Variants in FTO observed in about 807,000 individuals in gnomAD.
FTO encodes the protein alpha-ketoglutarate-dependent dioxygenase FTO.
FTO carries 47 observed loss-of-function variants against 63.9 expected under a neutral mutation model. That is an observed-to-expected ratio of 0.74 (90% CI 0.58 to 0.94). The LOEUF is 0.94. FTO is among the 40% of genes least tolerant of loss of function. The pLI is 0.00. For missense variants in FTO, 562 were observed against 618.1 expected (o/e 0.91, Z 0.96); for synonymous variants, 207 against 224.4 (o/e 0.92, Z 0.69).
At position 54,117,140 on chromosome 16, in the gene FTO, G is replaced by C. The variant is rs1389391045; in HGVS notation, c.*5225G>C. 4 of 152,178 alleles carry C rather than the reference G, an allele frequency of 2.6e-5. No individual in the cohort carries two copies. The highest frequency in any genetic ancestry group is 5.9e-5 in the Non-Finnish European group (4 of 68,040). The allele number at this position is 152,178 out of a possible 1,614,324, so 9.4% of individuals were successfully genotyped here. Reference sequence around the variant, plus strand: ...TTCTGAGTTTAAGTTCTGATTCTGTGTGTGATTCTCACTCTACCACCTCTT... The same window carrying C: ...TTCTGAGTTTAAGTTCTGATTCTGTCTGTGATTCTCACTCTACCACCTCTT... On this transcript the variant is annotated 3_prime_UTR_variant, in exon 9 of 9. Transcript: ENST00000471389.
intron 8 of FTO, among the ~76,000 whole-genome samples, chr16:53,953,962 A>G (rs1255155985): frequency 6.6e-6 from 1 of 152,160 alleles, no homozygotes; most frequent in Non-Finnish European, 1.5e-5. Context: ...TTCGGAAGCT[A>G]CTCCCAATGT....
At chr16:53,895,165 A>G (rs1453980635) in intron 7 of FTO, among the ~76,000 whole-genome samples, 2 of 152,052 alleles carry the variant, frequency 1.3e-5, no homozygotes, top group Admixed American at 6.6e-5. Context: ...ACATCTGGGG[A>G]GAAATTTTAC....
chr16:53,885,876 T>C (rs1202608549), intron 6 of FTO, among the ~76,000 whole-genome samples: 2 of 152,114 alleles, frequency 1.3e-5, no homozygotes, highest in African/African-American at 4.8e-5. Flanking sequence ...GCCATCTAAG[T>C]AGCTGGGAGC....
chr16:53,730,695 T>C (rs2076252880), intron 1 of FTO, among the ~76,000 whole-genome samples: 1 of 152,020 alleles, frequency 6.6e-6, no homozygotes, highest in Non-Finnish European at 1.5e-5. Flanking sequence ...TTGGTTTCGC[T>C]ATTATTGCCC....
At chr16:53,808,703 T>C (rs943560472) in intron 1 of FTO, among the ~76,000 whole-genome samples, 1 of 152,200 alleles carries the variant, frequency 6.6e-6, no homozygotes, top group Admixed American at 6.5e-5. Flanking sequence ...TATAAAGACA[T>C]TGGGCATTGG....
chr16:54,090,369 G>A (rs1411546825), intron 8 of FTO, among the ~76,000 whole-genome samples: 2 of 152,162 alleles, frequency 1.3e-5, no homozygotes, highest in South Asian at 2.1e-4. Flanking sequence ...GGTTACCAGG[G>A]GCTGGGAGAA....
intron 4 of FTO, among the ~76,000 whole-genome samples, chr16:53,865,833 T>A (rs922687887): frequency 4.6e-5 from 7 of 152,242 alleles, no homozygotes; most frequent in African/African-American, 1.7e-4. Context: ...GACAATAATA[T>A]AATCTGTGAA....
At chr16:53,724,005 A>T (rs963311321) in intron 1 of FTO, among the ~76,000 whole-genome samples, 1 of 152,206 alleles carries the variant, frequency 6.6e-6, no homozygotes, top group Non-Finnish European at 1.5e-5. Flanking sequence ...GATGTTTTAG[A>T]TATTAAACTT....
At chr16:54,077,004 T>G (rs2086011199) in intron 8 of FTO, among the ~76,000 whole-genome samples, 1 of 152,176 alleles carries the variant, frequency 6.6e-6, no homozygotes, top group Non-Finnish European at 1.5e-5. Context: ...TATGTGATTA[T>G]TTGACATATG....
intron 8 of FTO, among the ~76,000 whole-genome samples, chr16:54,006,038 A>G (rs1389654438): frequency 6.6e-6 from 1 of 152,246 alleles, no homozygotes; most frequent in Non-Finnish European, 1.5e-5. Context: ...TAAATATCAA[A>G]TAATTTTTAT....
intron 4 of FTO, among the ~76,000 whole-genome samples, chr16:53,855,114 G>A (rs1201629346): frequency 1.3e-5 from 2 of 151,810 alleles, no homozygotes; most frequent in Non-Finnish European, 2.9e-5. Context: ...GCATTGCAGT[G>A]CTACTGATTT....
chr16:53,757,845 A>T (rs149351392), intron 1 of FTO, among the ~76,000 whole-genome samples: 1 of 152,166 alleles, frequency 6.6e-6, no homozygotes. Flanking sequence ...AGAAGAGCTC[A>T]AACAGTTGTG....
At chr16:53,757,470 T>C (rs1326893113) in intron 1 of FTO, among the ~76,000 whole-genome samples, 10 of 151,924 alleles carry the variant, frequency 6.6e-5, no homozygotes, top group Admixed American at 6.6e-4. Context: ...TATATTCATA[T>C]ATGAATACAT....
At position 53,791,487 on chromosome 16, in the gene FTO, T is replaced by G. The variant is rs540415828; in HGVS notation, c.46-18653T>G. ...AATCCAAGTAACTCAGTGGAGAGCC[T>G]GGTCCTTCGTTATTATGTCTCAGAT... is the stretch of plus-strand genomic sequence containing the variant. On this transcript the variant is annotated intron_variant, in intron 1 of 8. Transcript: ENST00000471389. Among the ~76,000 whole-genome samples, 3 of 152,348 alleles carry G rather than the reference T, an allele frequency of 2.0e-5. No homozygotes were observed. The South Asian group carries it at 6.2e-4, about 32-fold the overall frequency.
At chr16:54,049,946 T>G (rs2144324581) in intron 8 of FTO, among the ~76,000 whole-genome samples, 1 of 152,340 alleles carries the variant, frequency 6.6e-6, no homozygotes, top group East Asian at 1.9e-4. Context: ...TGAGAGATAT[T>G]GAGTGATTGT....
intron 7 of FTO, among the ~76,000 whole-genome samples, chr16:53,933,120 G>A (rs1292859389): frequency 2.0e-5 from 3 of 152,150 alleles, no homozygotes; most frequent in African/African-American, 4.8e-5. Context: ...TTAAATATGC[G>A]CTGTCAAATG....
At chr16:53,998,090 T>C (rs1229468572) in intron 8 of FTO, among the ~76,000 whole-genome samples, 1 of 152,186 alleles carries the variant, frequency 6.6e-6, no homozygotes, top group Non-Finnish European at 1.5e-5. Flanking sequence ...AAAGGCTTGA[T>C]GTAGACCGCT....
At chr16:53,918,589 GTAAC>G (rs1357082698) in intron 7 of FTO, among the ~76,000 whole-genome samples, 4 of 152,156 alleles carry the variant, frequency 2.6e-5, no homozygotes, top group African/African-American at 9.7e-5. Context: ...GTAGAGCAGA[GTAAC>G]TATTTTATAA....
At chr16:53,844,765 GTTTTTC>G (rs59542250) in intron 4 of FTO, among the ~76,000 whole-genome samples, 56,110 of 151,788 alleles carry the variant, frequency 0.37, 10,466 homozygotes, top group South Asian at 0.45. Flanking sequence ...ATTAAAAGTT[GTTTTTC>G]TTTTTATTCT....
Sources: gnomAD v4.1 joint callset for allele counts (sites outside exome capture counted in the v4.1 genomes callset) on GRCh38, gnomAD v4.1.1 for gene constraint, MANE v1.5 for transcripts, NCBI Gene and HGNC (gene_info 2026-07-23, HGNC 2026-07-21) for gene names.